ANK2: variants seen among roughly 807,000 people sequenced by gnomAD.
ANK2 encodes the protein ankyrin 2.
Under a neutral mutation model 360.5 loss-of-function variants are expected in ANK2, and 83 were observed. That is an observed-to-expected ratio of 0.23 (90% CI 0.19 to 0.28). The LOEUF is 0.28. Ranked by LOEUF, ANK2 falls within the 10% of genes least tolerant of loss-of-function variation. The pLI, the probability that ANK2 is intolerant of heterozygous loss-of-function variation, is 1.00. For synonymous variants in ANK2, 1,740 were observed against 1,759.5 expected (o/e 0.99, Z 0.28); for missense variants, 4,201 against 4,795.7 (o/e 0.88, Z 3.66).
intron 2 of ANK2, among the ~76,000 whole-genome samples, chr4:113,002,752 A>G (rs192022220): frequency 2.3e-4 from 35 of 152,320 alleles, no homozygotes; most frequent in Admixed American, 1.4e-3. Context: ...ATAAAGTCCA[A>G]ACACCTTGAC....
chr4:113,123,422 T>C (rs2095485893), intron 1 of ANK2, among the ~76,000 whole-genome samples: 1 of 152,202 alleles, frequency 6.6e-6, no homozygotes, highest in Admixed American at 6.5e-5. Flanking sequence ...CTTGTGTTTA[T>C]ATTTTTCCAT....
At chr4:112,898,082 C>A (rs984376757) in intron 1 of ANK2, among the ~76,000 whole-genome samples, 1 of 152,044 alleles carries the variant, frequency 6.6e-6, no homozygotes. Flanking sequence ...GAACATTGTA[C>A]GTTTATAGAA....
At chr4:112,802,837 G>A in the ANK2 span, among the ~76,000 whole-genome samples, 2 of 152,140 alleles carry the variant, frequency 1.3e-5, no homozygotes, top group South Asian at 2.1e-4. Flanking sequence ...GATTCCTCCC[G>A]AGGTGATATG....
Position 113,381,544 on chromosome 4 carries a change from T to G in ANK2, c.*73T>G, listed in dbSNP as rs753299388. 1.9e-6 allele frequency: 3 copies of G among 1,613,170 alleles called. No individual in the cohort carries two copies. The highest frequency in any genetic ancestry group is 2.5e-6 in the Non-Finnish European group (3 of 1,179,640). On this transcript the variant is annotated 3_prime_UTR_variant, in exon 46 of 46. Coordinates refer to ENST00000357077, the MANE Select transcript of ANK2 (RefSeq NM_001148.6). ...GCATTGACTTGGAGCACCTGGAGGA[T>G]GTACCAGAAGCACTAGACCAGGACG... is the stretch of plus-strand genomic sequence containing the variant.
chr4:113,098,903 T>C (rs1301586593), intron 1 of ANK2, among the ~76,000 whole-genome samples: 1 of 151,934 alleles, frequency 6.6e-6, no homozygotes, highest in Non-Finnish European at 1.5e-5. Flanking sequence ...AGAAAAATCG[T>C]ATGATCATAT....
the ANK2 span, among the ~76,000 whole-genome samples, chr4:112,734,537 G>C: frequency 6.6e-6 from 1 of 152,170 alleles, no homozygotes; most frequent in Non-Finnish European, 1.5e-5. Flanking sequence ...ATCAATGAAA[G>C]GCAAGTTGCC....
chr4:112,904,566 G>A lies in ANK2; in HGVS notation c.21+52G>A, dbSNP rs1448222. 818 of 1,332,444 alleles carry A rather than the reference G, an allele frequency of 6.1e-4. 1 individual carries two copies. In the African/African-American group the frequency reaches 0.01, roughly 17 times the overall value. The allele number at this position is 1,332,444 out of a possible 1,614,324, so 82.5% of individuals were successfully genotyped here. ...TTAAAGGAATCTTATAAAAAGACACGGAGGTTAGAATGTAATTAAGTACTA... is the reference window on the plus strand; with the variant it reads ...TTAAAGGAATCTTATAAAAAGACACAGAGGTTAGAATGTAATTAAGTACTA... On this transcript the variant is annotated intron_variant, in intron 2 of 30. Coordinates refer to the ANK2 transcript ENST00000503271.
intron 1 of ANK2, among the ~76,000 whole-genome samples, chr4:113,122,668 T>G (rs2095435981): frequency 6.6e-6 from 1 of 152,100 alleles, no homozygotes; most frequent in African/African-American, 2.4e-5. Flanking sequence ...AAAGTTTTAT[T>G]GGTTTGCTCT....
chr4:112,742,396 ATGTGTGTG>A, the ANK2 span, among the ~76,000 whole-genome samples: 10 of 149,660 alleles, frequency 6.7e-5, no homozygotes, highest in Admixed American at 5.3e-4. Context: ...ACTGAATTCT[ATGTGTGTG>A]TGTGTGTGTG....
chr4:113,336,010 G>C lies in ANK2; in HGVS notation c.3544G>C (p.Val1182Leu), dbSNP rs756936036. ...SSTVVPQVQA[V>L]FPEGALTKRI... ...CACAGTGGTGCCCCAGGTGCAGGCC[G>C]TCTTCCCAGAGGGGGCACTCACCAA... The change falls in exon 30 of 46, where the codon GTC (valine) becomes CTC (leucine). Residue 1182 changes from valine (V) to leucine (L), a missense_variant. Physicochemically the swap from Val to Leu is conservative, Grantham distance 32. Around this residue, in one of 4 missense-constraint regions of ANK2, gnomAD observed 1,268 missense variants for 1,650.8 expected, o/e 0.77. Transcript: ENST00000357077. 1.2e-6 allele frequency: 2 copies of C among 1,614,106 alleles called. No homozygotes were observed. Among genetic ancestry groups the C allele is most frequent in the Non-Finnish European group, 1.7e-6 (2 of 1,180,010 alleles).
chr4:113,113,388 TG>T (rs1474414187), intron 1 of ANK2, among the ~76,000 whole-genome samples: 1 of 152,214 alleles, frequency 6.6e-6, no homozygotes, highest in Non-Finnish European at 1.5e-5. Context: ...TATTAAACGC[TG>T]CCTGACTGAT....
intron 40 of ANK2, 130 bp from the exon 41 acceptor site, chr4:113,364,909 A>G (rs2096446871): frequency 1.6e-6 from 2 of 1,223,812 alleles, no homozygotes; most frequent in Admixed American, 1.9e-5. Flanking sequence ...TTATTTTTAC[A>G]AAGACTTTTA....
chr4:113,193,837 CAT>C (rs1373500712), intron 2 of ANK2, among the ~76,000 whole-genome samples: 1 of 152,130 alleles, frequency 6.6e-6, no homozygotes. Flanking sequence ...TTCAAGAACT[CAT>C]ATATTTTAAT....
At chr4:112,808,352 T>G in the ANK2 span, among the ~76,000 whole-genome samples, 1 of 152,122 alleles carries the variant, frequency 6.6e-6, no homozygotes, top group Non-Finnish European at 1.5e-5. Flanking sequence ...AATGGCTGAA[T>G]AAAGTGGGAG....
At chr4:112,996,213 T>C (rs1240798631) in intron 2 of ANK2, among the ~76,000 whole-genome samples, 2 of 152,014 alleles carry the variant, frequency 1.3e-5, no homozygotes, top group Admixed American at 6.6e-5. Context: ...TTTTAGAAAA[T>C]GCAAACTAAT....
the ANK2 span, among the ~76,000 whole-genome samples, chr4:112,762,668 C>G: frequency 6.6e-6 from 1 of 152,154 alleles, no homozygotes; most frequent in South Asian, 2.1e-4. Context: ...CGCCACCATG[C>G]CCGGCTAATT....
intron 1 of ANK2, among the ~76,000 whole-genome samples, chr4:112,876,692 C>G (rs983447055): frequency 3.3e-5 from 5 of 152,162 alleles, no homozygotes; most frequent in African/African-American, 1.2e-4. Flanking sequence ...TGCCCAAGGC[C>G]TGTTACCTGG....
At chr4:112,859,017 C>T (rs1281782808) in intron 1 of ANK2, among the ~76,000 whole-genome samples, 1 of 152,196 alleles carries the variant, frequency 6.6e-6, no homozygotes, top group Non-Finnish European at 1.5e-5. Context: ...GATGATAGAA[C>T]TTGTTTGTGG....
At chr4:112,911,338 A>T (rs1443785012) in intron 2 of ANK2, among the ~76,000 whole-genome samples, 2 of 151,864 alleles carry the variant, frequency 1.3e-5, no homozygotes, top group Non-Finnish European at 2.9e-5. Flanking sequence ...CCTGGCTAAC[A>T]CGGTGAAACC....
Sources: gnomAD v4.1 joint callset for allele counts (sites outside exome capture counted in the v4.1 genomes callset) on GRCh38, gnomAD v4.1.1 for gene constraint, gnomAD v4.1.1 regional missense constraint, MANE v1.5 for transcripts, NCBI Gene and HGNC (gene_info 2026-07-23, HGNC 2026-07-21) for gene names.